PLEKHG1: variants seen among roughly 807,000 people sequenced by gnomAD.
PLEKHG1 encodes pleckstrin homology domain-containing family G member 1.
A neutral mutation model predicts 100.8 loss-of-function variants in PLEKHG1; 44 were observed. The observed-to-expected ratio is 0.44, with a 90% CI of 0.34 to 0.56. The LOEUF (loss-of-function observed/expected upper bound fraction) is 0.56. PLEKHG1 is among the 20% of genes least tolerant of loss of function. The pLI is 0.01. For synonymous variants in PLEKHG1, 640 were observed against 662.5 expected (o/e 0.97, Z 0.52); for missense variants, 1,545 against 1,720.9 (o/e 0.90, Z 1.81).
At chr6:150,752,687 G>A (rs772880384) in intron 2 of PLEKHG1, among the ~76,000 whole-genome samples, 21 of 152,182 alleles carry the variant, frequency 1.4e-4, no homozygotes, top group Non-Finnish European at 2.6e-4. Flanking sequence ...CTTAACCGAG[G>A]TAAGATGACA....
chr6:150,603,109 G>GAA (rs1776435671), intron 1 of PLEKHG1, among the ~76,000 whole-genome samples: 4 of 134,808 alleles, frequency 3.0e-5, no homozygotes, highest in Admixed American at 7.3e-5. Context: ...AAAAAGAAAA[G>GAA]AAAAAATTAT....
intron 15 of PLEKHG1, among the ~76,000 whole-genome samples, chr6:150,832,681 C>CTTTTT (rs66957918): frequency 2.4e-5 from 3 of 125,458 alleles, no homozygotes; most frequent in African/African-American, 3.0e-5. Flanking sequence ...TTTTTGCATA[C>CTTTTT]TTTTTTTTTT....
At chr6:150,756,632 A>G (rs1031275730) in intron 2 of PLEKHG1, among the ~76,000 whole-genome samples, 7 of 152,188 alleles carry the variant, frequency 4.6e-5, no homozygotes, top group African/African-American at 1.4e-4. Flanking sequence ...TTACCAATCT[A>G]TGTGACTCAG....
At chr6:150,746,892 C>A (rs1213461752) in intron 2 of PLEKHG1, among the ~76,000 whole-genome samples, 2 of 152,222 alleles carry the variant, frequency 1.3e-5, no homozygotes, top group African/African-American at 4.8e-5. Context: ...GAGTTCAGTT[C>A]ATTTGCAAGC....
intron 1 of PLEKHG1, among the ~76,000 whole-genome samples, chr6:150,609,225 T>C (rs1776724865): frequency 6.6e-6 from 1 of 152,204 alleles, no homozygotes; most frequent in African/African-American, 2.4e-5. Context: ...GATTCAATGT[T>C]GAACAAAACA....
Position 150,695,914 on chromosome 6 carries a change from C to A in PLEKHG1, c.-98-37670C>A, listed in dbSNP as rs143570433. 3.5e-4 allele frequency among the ~76,000 whole-genome samples: 53 copies of A among 152,256 alleles called. No individual in the cohort carries two copies. In the East Asian group the frequency reaches 9.6e-3, roughly 28 times the overall value. On this transcript the variant is annotated intron_variant, in intron 3 of 3. Coordinates refer to the PLEKHG1 transcript ENST00000367326. ...AATGACTAAGTAGATGTTGTTAAGT[C>A]ATACTCGTCAGGAAGAAAGGGCAGG...
chr6:150,727,312 T>C (rs1350087129), intron 1 of PLEKHG1, among the ~76,000 whole-genome samples: 3 of 152,190 alleles, frequency 2.0e-5, no homozygotes, highest in Non-Finnish European at 4.4e-5. Flanking sequence ...ACCCATCAGA[T>C]GTCCCCGTTC....
At chr6:150,810,243 T>G (rs13201836) in intron 10 of PLEKHG1, among the ~76,000 whole-genome samples, 1 of 150,404 alleles carries the variant, frequency 6.6e-6, no homozygotes, top group African/African-American at 2.4e-5. Context: ...GAGGTTGCAG[T>G]GAGCTGAGAT....
chr6:150,843,256 T>C (rs1160783789), exon 16 of PLEKHG1: 1 of 152,240 alleles, frequency 6.6e-6, no homozygotes, highest in Non-Finnish European at 1.5e-5. Context: ...GTGGGTATCT[T>C]ACTGTATAAA....
intron 2 of PLEKHG1, among the ~76,000 whole-genome samples, chr6:150,737,377 C>T (rs368288390): frequency 6.6e-5 from 10 of 151,082 alleles, no homozygotes; most frequent in East Asian, 5.9e-4. Context: ...CTGCAAGCTC[C>T]GCTTCCCGGG....
At chr6:150,813,759 GT>G (rs1334560442) in intron 10 of PLEKHG1, among the ~76,000 whole-genome samples, 1 of 152,194 alleles carries the variant, frequency 6.6e-6, no homozygotes, top group Non-Finnish European at 1.5e-5. Context: ...GTGTGATCAG[GT>G]TCTGGAGGTG....
At chr6:150,643,120 CT>C (rs1473804403) in intron 2 of PLEKHG1, among the ~76,000 whole-genome samples, 3 of 152,092 alleles carry the variant, frequency 2.0e-5, no homozygotes, top group Non-Finnish European at 4.4e-5. Flanking sequence ...AAGAGGTCAC[CT>C]ACTGGAATGC....
At chr6:150,720,771 G>A (rs1362583173), upstream of PLEKHG1, among the ~76,000 whole-genome samples, 1 of 152,210 alleles carries the variant, frequency 6.6e-6, no homozygotes, top group Non-Finnish European at 1.5e-5. Flanking sequence ...TTATTTTATG[G>A]AGTTTAATGA....
chr6:150,760,050 A>C (rs1272198773), intron 2 of PLEKHG1, among the ~76,000 whole-genome samples: 1 of 152,220 alleles, frequency 6.6e-6, no homozygotes, highest in African/African-American at 2.4e-5. Context: ...TGAGGAGTTA[A>C]AATTCAGATT....
intron 2 of PLEKHG1, among the ~76,000 whole-genome samples, chr6:150,741,019 C>G (rs912131784): frequency 6.6e-6 from 1 of 152,194 alleles, no homozygotes; most frequent in Admixed American, 6.5e-5. Context: ...ACCTCAACAA[C>G]AGCAGCACAA....
rs769946405 is a variant in PLEKHG1 at position 150,831,253 on chromosome 6, C to T, written c.2142C>T (p.Tyr714=). ...CTGGCCACAGTAAGGGCTCTCTTTA[C>T]GCACAAACAGATGGCACCCTCTCAG... is the stretch of plus-strand genomic sequence containing the variant. The change falls in exon 15 of 16, where the codon TAC becomes TAT. Residue 714 remains tyrosine (Y), a synonymous_variant. Coordinates refer to ENST00000358517, the Ensembl canonical transcript of PLEKHG1. The surrounding 1 kb of genome is among the most constrained non-coding windows in gnomAD (Gnocchi z 4.1). 206 of 1,613,990 alleles carry T rather than the reference C, an allele frequency of 1.3e-4. No homozygotes were observed. Among genetic ancestry groups the T allele is most frequent in the Non-Finnish European group, 1.6e-4 (191 of 1,180,016 alleles).
At chr6:150,608,103 C>T (rs991796051) in intron 1 of PLEKHG1, among the ~76,000 whole-genome samples, 5 of 152,188 alleles carry the variant, frequency 3.3e-5, no homozygotes, top group African/African-American at 1.2e-4. Flanking sequence ...TGATTTTGTA[C>T]ACATGGAACC....
intron 1 of PLEKHG1, among the ~76,000 whole-genome samples, chr6:150,618,855 G>A (rs1358176299): frequency 6.6e-6 from 1 of 152,120 alleles, no homozygotes; most frequent in African/African-American, 2.4e-5. Flanking sequence ...AGATGGGGAG[G>A]ATAGCTTGAG....
chr6:150,698,447 T>A (rs1024805911), intron 3 of PLEKHG1, among the ~76,000 whole-genome samples: 28 of 152,124 alleles, frequency 1.8e-4, no homozygotes, highest in African/African-American at 6.5e-4. Context: ...GTTGTTAGCA[T>A]ATAAAGGGTT....
Sources: allele counts gnomAD v4.1 joint callset (sites outside exome capture counted in the v4.1 genomes callset), GRCh38; gene constraint gnomAD v4.1.1; non-coding constraint Gnocchi (gnomAD v3.1); transcripts MANE v1.5; gene names NCBI Gene and HGNC (gene_info 2026-07-23, HGNC 2026-07-21).